Variants in CNGB3 observed in about 807,000 individuals in gnomAD.
CNGB3 encodes cyclic nucleotide-gated channel beta-3.
A neutral mutation model predicts 92.8 loss-of-function variants in CNGB3; 86 were observed. The observed-to-expected ratio is 0.93, with a 90% CI of 0.78 to 1.11. CNGB3 has a LOEUF of 1.11. Among genes scored for constraint, CNGB3 ranks in the 50% least tolerant of loss-of-function variants. The probability of loss-of-function intolerance (pLI) is 0.00; values close to 1 mark genes in which losing one functional copy is unlikely to be tolerated. For synonymous variants in CNGB3, 333 were observed against 332.7 expected, an observed-to-expected ratio of 1.00 and a Z score of -0.01; for missense variants, 1,026 against 956.8, an observed-to-expected ratio of 1.07 and a Z score of -0.95.
intron 3 of CNGB3, among the ~76,000 whole-genome samples, chr8:86,694,989 C>T (rs1824419624): frequency 6.6e-6 from 1 of 152,214 alleles, no homozygotes; most frequent in African/African-American, 2.4e-5. Flanking sequence ...CACGCCACTG[C>T]ACTCCAGCCT....
intron 7 of CNGB3, among the ~76,000 whole-genome samples, chr8:86,651,749 T>A (rs1435825437): frequency 6.6e-6 from 1 of 151,934 alleles, no homozygotes; most frequent in Non-Finnish European, 1.5e-5. Flanking sequence ...TGAATTGAAG[T>A]ATTGACCAAC....
chr8:86,611,491 C>T, intron 14 of CNGB3, 97 bp downstream of exon 14: 1 of 909,198 alleles, frequency 1.1e-6, no homozygotes. Flanking sequence ...ATGGAATTCA[C>T]CCTGAACAAA....
intron 3 of CNGB3, among the ~76,000 whole-genome samples, chr8:86,725,258 A>C (rs574089116): frequency 4.6e-5 from 7 of 152,260 alleles, no homozygotes; most frequent in Non-Finnish European, 7.4e-5. Flanking sequence ...TTGGGAATTC[A>C]AATCTTTTGT....
chr8:86,689,694 A>G (rs1824267259), intron 3 of CNGB3, among the ~76,000 whole-genome samples: 1 of 151,930 alleles, frequency 6.6e-6, no homozygotes, highest in Non-Finnish European at 1.5e-5. Flanking sequence ...TATATCTCCT[A>G]ATGCTATCCC....
chr8:86,585,309 G>A (rs540245089), intron 15 of CNGB3, among the ~76,000 whole-genome samples: 1 of 151,874 alleles, frequency 6.6e-6, no homozygotes, highest in African/African-American at 2.4e-5. Flanking sequence ...ACATTTGTGT[G>A]TATGTATATA....
intron 2 of CNGB3, among the ~76,000 whole-genome samples, chr8:86,729,260 A>T (rs534592119): frequency 5.4e-4 from 83 of 152,314 alleles, no homozygotes; most frequent in African/African-American, 2.0e-3. Context: ...TCCATCTCTC[A>T]TTCAAGCTAC....
intron 6 of CNGB3, among the ~76,000 whole-genome samples, chr8:86,662,729 A>G (rs776051349): frequency 1.3e-5 from 2 of 152,118 alleles, no homozygotes; most frequent in Non-Finnish European, 2.9e-5. Context: ...CAGTGGGCAC[A>G]AGCACTCTAG....
intron 3 of CNGB3, among the ~76,000 whole-genome samples, chr8:86,695,393 A>T (rs1824431270): frequency 6.6e-6 from 1 of 152,028 alleles, no homozygotes; most frequent in South Asian, 2.1e-4. Context: ...GATCAGGTTA[A>T]TTCGAAGGCC....
chr8:86,661,243 C>G, intron 6 of CNGB3: 2 of 313,938 alleles, frequency 6.4e-6, no homozygotes, highest in Non-Finnish European at 1.3e-5. Flanking sequence ...ATCTGAAGAT[C>G]ATTGTGCAAA....
chr8:86,592,478 G>C (rs1189153696), intron 15 of CNGB3, among the ~76,000 whole-genome samples: 2 of 152,136 alleles, frequency 1.3e-5, no homozygotes, highest in Non-Finnish European at 2.9e-5. Flanking sequence ...ATGTATTAGT[G>C]TTTCTCCATT....
intron 3 of CNGB3, among the ~76,000 whole-genome samples, chr8:86,696,097 T>C (rs1053158040): frequency 6.6e-6 from 1 of 152,144 alleles, no homozygotes. Flanking sequence ...TGTAGTTATT[T>C]TTTGGTGTGC....
chr8:86,684,509 G>T (rs976098422), intron 3 of CNGB3, among the ~76,000 whole-genome samples: 2 of 152,020 alleles, frequency 1.3e-5, no homozygotes, highest in African/African-American at 4.8e-5. Flanking sequence ...TTATCCTGGA[G>T]AAATAAAAAC....
chr8:86,716,778 A>G (rs1383562969), intron 3 of CNGB3, among the ~76,000 whole-genome samples: 1 of 152,198 alleles, frequency 6.6e-6, no homozygotes. Flanking sequence ...CTTAAAGCAT[A>G]AATCTCATGC....
intron 3 of CNGB3, among the ~76,000 whole-genome samples, chr8:86,676,275 A>T (rs1823966802): frequency 6.6e-6 from 1 of 152,106 alleles, no homozygotes; most frequent in Non-Finnish European, 1.5e-5. Context: ...ATCTGCGGTG[A>T]GTTTACAGCA....
chr8:86,652,757 A>G (rs1055213840), intron 7 of CNGB3, among the ~76,000 whole-genome samples: 1 of 151,996 alleles, frequency 6.6e-6, no homozygotes, highest in East Asian at 1.9e-4. Flanking sequence ...CTATAATAAC[A>G]ATGCCTTCTT....
chr8:86,732,052 C>T (rs769370646), intron 2 of CNGB3, among the ~76,000 whole-genome samples: 4 of 152,226 alleles, frequency 2.6e-5, no homozygotes, highest in South Asian at 4.1e-4. Flanking sequence ...TTAAATCATG[C>T]AAACTACAAC....
intron 15 of CNGB3, among the ~76,000 whole-genome samples, chr8:86,580,397 T>A (rs1383169216): frequency 6.6e-6 from 1 of 152,236 alleles, no homozygotes; most frequent in Non-Finnish European, 1.5e-5. Flanking sequence ...TGAGTGTGTC[T>A]GTTTCCCACC....
chr8:86,578,131 G>A (rs562232438), intron 17 of CNGB3, among the ~76,000 whole-genome samples: 1 of 151,988 alleles, frequency 6.6e-6, no homozygotes, highest in Non-Finnish European at 1.5e-5. Context: ...GAATGGTCTC[G>A]ATCTCCTGCC....
At chr8:86,678,553 G>T (rs569507478) in intron 3 of CNGB3, among the ~76,000 whole-genome samples, 2 of 152,222 alleles carry the variant, frequency 1.3e-5, no homozygotes, top group South Asian at 4.2e-4. Context: ...ATGCTGCAAT[G>T]CATGTATGGT....
Sources: gnomAD v4.1 joint callset for allele counts (sites outside exome capture counted in the v4.1 genomes callset) on GRCh38, gnomAD v4.1.1 for gene constraint, MANE v1.5 for transcripts, NCBI Gene and HGNC (gene_info 2026-07-23, HGNC 2026-07-21) for gene names.